The following RUBCNL variants were observed in gnomAD, a reference collection of about 807,000 sequenced individuals.
The protein encoded by RUBCNL is rubicon like autophagy enhancer.
In RUBCNL, 62 loss-of-function variants were observed where a neutral mutation model predicts 69.5. The ratio of observed to expected loss-of-function variants is 0.89; its 90% CI spans 0.73 to 1.10. The LOEUF is 1.10. Among genes scored for constraint, RUBCNL ranks in the 50% least tolerant of loss-of-function variants. The probability of loss-of-function intolerance (pLI) is 0.00; values close to 1 mark genes in which losing one functional copy is unlikely to be tolerated. For synonymous variants in RUBCNL, 291 were observed against 303.6 expected, an observed-to-expected ratio of 0.96 and a Z score of 0.43; for missense variants, 768 against 798.1, an observed-to-expected ratio of 0.96 and a Z score of 0.45.
At chr13:46,387,057 G>A in intron 1 of RUBCNL, 77 bp downstream of exon 1, 1 of 973,070 alleles carries the variant, frequency 1.0e-6, no homozygotes, top group Non-Finnish European at 1.2e-6. Flanking sequence ...CTCTCCCGCG[G>A]CCCTCCCTTC....
At position 46,345,467 on chromosome 13, in the gene RUBCNL, C is replaced by CAAGGGAAGCTTTCAGAATGTCCTTGAGT; in HGVS notation, c.1737_1764dup (p.Ala589ThrfsTer16). On this transcript the variant is annotated frameshift_variant, in exon 13 of 15. Transcript: ENST00000429979. LOFTEE classifies it high-confidence loss of function. ...CTCACCTCACAGCCAGCCACATGTG[C>CAAGGGAAGCTTTCAGAATGTCCTTGAGT]AAGGGAAGCTTTCAGAATGTCCTTG... is the stretch of plus-strand genomic sequence containing the variant. The CAAGGGAAGCTTTCAGAATGTCCTTGAGT allele has an allele frequency of 1.3e-6, 2 of 1,568,892 alleles. No homozygotes were observed. The highest frequency in any genetic ancestry group is 1.7e-6 in the Non-Finnish European group (2 of 1,157,186).
intron 12 of RUBCNL, among the ~76,000 whole-genome samples, chr13:46,347,790 GACCATCCTGGCTA>G (rs1350432579): frequency 6.6e-6 from 1 of 152,168 alleles, no homozygotes; most frequent in Non-Finnish European, 1.5e-5. Flanking sequence ...AGGAGATCGA[GACCATCCTGGCTA>G]ACATGATGAA....
upstream of RUBCNL, among the ~76,000 whole-genome samples, chr13:46,388,092 A>T (rs1038165859): frequency 6.7e-6 from 1 of 148,348 alleles, no homozygotes; most frequent in Non-Finnish European, 1.5e-5. Context: ...GGTGCCTGTT[A>T]TGCCGGCTAC....
intron 2 of RUBCNL, 107 bp from the exon 3 acceptor site, chr13:46,372,704 G>T: frequency 9.8e-7 from 1 of 1,021,780 alleles, no homozygotes; most frequent in Non-Finnish European, 1.4e-6. Flanking sequence ...TCTGTACTTG[G>T]CTCTATCCAA....
chr13:46,383,324 T>C (rs922470945), intron 1 of RUBCNL, among the ~76,000 whole-genome samples: 1 of 152,214 alleles, frequency 6.6e-6, no homozygotes, highest in Admixed American at 6.5e-5. Context: ...AATGAAGACC[T>C]TACCCATCAC....
At chr13:46,355,063 T>A (rs745761948) in intron 10 of RUBCNL, among the ~76,000 whole-genome samples, 2 of 152,206 alleles carry the variant, frequency 1.3e-5, no homozygotes, top group Admixed American at 1.3e-4. Flanking sequence ...TCATCCAGTG[T>A]AGGAGAGGAA....
At chr13:46,388,463 AGAAG>A (rs1355136800), upstream of RUBCNL, among the ~76,000 whole-genome samples, 1 of 150,296 alleles carries the variant, frequency 6.7e-6, no homozygotes, top group Non-Finnish European at 1.5e-5. Flanking sequence ...GAAGGAAGGT[AGAAG>A]GAAGGAAGGA....
intron 10 of RUBCNL, among the ~76,000 whole-genome samples, chr13:46,355,626 T>C (rs1453849465): frequency 6.6e-6 from 1 of 152,180 alleles, no homozygotes; most frequent in Non-Finnish European, 1.5e-5. Flanking sequence ...TAGGCCTCAG[T>C]TGGCCCAGGA....
intron 3 of RUBCNL, among the ~76,000 whole-genome samples, chr13:46,371,712 G>A (rs892781559): frequency 5.3e-5 from 8 of 152,184 alleles, no homozygotes; most frequent in Non-Finnish European, 7.3e-5. Flanking sequence ...ATGGCACATG[G>A]CACTGATTAT....
chr13:46,389,840 A>T (rs2049313109), upstream of RUBCNL: 1 of 152,248 alleles, frequency 6.6e-6, no homozygotes, highest in African/African-American at 2.4e-5. This position sits in a 1 kb window ranked among gnomAD's most constrained non-coding sequence, Gnocchi z 4.2. Context: ...CAAGCACTAA[A>T]TGCTGAGGCG....
intron 1 of RUBCNL, chr13:46,378,620 T>C (rs2138834935): frequency 6.6e-6 from 1 of 152,268 alleles, no homozygotes; most frequent in African/African-American, 2.4e-5. Flanking sequence ...ATTGCATCAC[T>C]AGAGCCACCA....
At chr13:46,387,755 C>G (rs2049282816), upstream of RUBCNL, 1 of 985,534 alleles carries the variant, frequency 1.0e-6, no homozygotes, top group South Asian at 4.7e-5. Context: ...TAGCACTTCA[C>G]TGTCCGCGTT....
chr13:46,360,691 A>G (rs73478079), intron 8 of RUBCNL, among the ~76,000 whole-genome samples: 6,515 of 152,298 alleles, frequency 0.043, 440 homozygotes, highest in East Asian at 0.33. Context: ...CTTCGAGGGC[A>G]TTTTCCCTAC....
rs780465584 is a variant in RUBCNL, at chr13:46,345,584, C to G, written c.1648G>C (p.Glu550Gln). Residue 550 changes from glutamate (E) to glutamine (Q), a missense_variant, in exon 13 of 15, where the codon GAG (glutamate) becomes CAG (glutamine). Transcript: ENST00000429979. ...TCAGTCAAGTGTCCCGGCACCTGCT[C>G]GAACTCCTTTAATGCACTGCCAGAG... Reference protein sequence around the residue: ...RFANSALKEFEQVPGHLTDEL... With the variant: ...RFANSALKEFQQVPGHLTDEL... 1 of 1,613,612 alleles carries G rather than the reference C, an allele frequency of 6.2e-7. No individual in the cohort carries two copies. The highest frequency in any genetic ancestry group is 1.1e-5 in the South Asian group (1 of 90,912).
chr13:46,352,545 C>T (rs943013930), intron 10 of RUBCNL, among the ~76,000 whole-genome samples: 1 of 151,126 alleles, frequency 6.6e-6, no homozygotes, highest in African/African-American at 2.4e-5. Flanking sequence ...TGGCTCACAC[C>T]TGTAATCGCA....
chr13:46,364,490 C>A (rs1006014127), intron 5 of RUBCNL, among the ~76,000 whole-genome samples: 1 of 152,228 alleles, frequency 6.6e-6, no homozygotes, highest in African/African-American at 2.4e-5. Flanking sequence ...ACAACCACCA[C>A]TTCCAGCTGC....
Position 46,362,945 on chromosome 13 carries a change from T to C in RUBCNL, c.925+170A>G, listed in dbSNP as rs201818212. Among the ~76,000 whole-genome samples, 3 of 60,184 alleles carry C rather than the reference T, an allele frequency of 5.0e-5. 1 individual carries two copies. Among genetic ancestry groups the C allele is most frequent in the Non-Finnish European group, 8.7e-5 (3 of 34,496 alleles). The allele number at this position is 60,184 out of a possible 152,430, so 39.5% of individuals were successfully genotyped here. On this transcript the variant is annotated intron_variant, in intron 6 of 14. Transcript: ENST00000429979. ...CATCATATATATATATATAGATATA[T>C]ATATATATATATATATATATATATA...
chr13:46,362,703 A>G (rs1302378710), intron 6 of RUBCNL, 105 bp from the exon 7 acceptor site: 2 of 737,160 alleles, frequency 2.7e-6, no homozygotes, highest in East Asian at 2.7e-5. Flanking sequence ...TCTCAGAAAG[A>G]GCAAATTATT....
In RUBCNL at chr13:46,336,785, C is replaced by G. The variant is rs1185885071; in HGVS notation, c.*6600G>C. On this transcript the variant is annotated 3_prime_UTR_variant, in exon 15 of 15. Coordinates refer to ENST00000429979, the MANE Select transcript of RUBCNL (RefSeq NM_025113.5). ...GCGATGGCAAACATTAAAAACTGTT[C>G]TTTCAAAAATGTTGCTGTGAAGAAG... is the stretch of plus-strand genomic sequence containing the variant. Among the ~76,000 whole-genome samples the G allele has an allele frequency of 1.3e-5, 2 of 152,010 alleles. No homozygotes were observed. The highest frequency in any genetic ancestry group is 4.8e-5 in the African/African-American group (2 of 41,376).
Sources: gnomAD v4.1 joint callset for allele counts (sites outside exome capture counted in the v4.1 genomes callset) on GRCh38, gnomAD v4.1.1 for gene constraint, Gnocchi (gnomAD v3.1) non-coding constraint, MANE v1.5 for transcripts, NCBI Gene and HGNC (gene_info 2026-07-23, HGNC 2026-07-21) for gene names.